The following CACNB2 variants were observed in gnomAD, a reference collection of about 807,000 sequenced individuals.
CACNB2 encodes voltage-dependent L-type calcium channel subunit beta-2.
In CACNB2, 42 loss-of-function variants were observed where a neutral mutation model predicts 73.3. That is an observed-to-expected ratio of 0.57 (90% CI 0.45 to 0.74). The LOEUF is 0.74. Among genes scored for constraint, CACNB2 ranks in the 30% least tolerant of loss-of-function variants. CACNB2 has a pLI of 0.00. For synonymous variants in CACNB2, 348 were observed against 310.3 expected (o/e 1.12, Z -1.28); for missense variants, 940 against 853.0 (o/e 1.10, Z -1.27).
chr10:18,205,170 T>C (rs1457068588), intron 2 of CACNB2, among the ~76,000 whole-genome samples: 2 of 152,226 alleles, frequency 1.3e-5, no homozygotes, highest in Admixed American at 6.5e-5. Flanking sequence ...ATGACAGTTA[T>C]CTGTCCAGTG....
chr10:18,194,642 G>T (rs932899774), intron 2 of CACNB2, among the ~76,000 whole-genome samples: 1 of 152,194 alleles, frequency 6.6e-6, no homozygotes, highest in Non-Finnish European at 1.5e-5. Context: ...ATAGATGGGT[G>T]TGGGGGAGAT....
At chr10:18,525,248 T>C (rs2052358315) in intron 9 of CACNB2, among the ~76,000 whole-genome samples, 1 of 152,054 alleles carries the variant, frequency 6.6e-6, no homozygotes, top group Admixed American at 6.6e-5. Flanking sequence ...TTCACCTTTG[T>C]TTTGGGTTGA....
chr10:18,194,222 C>T (rs1053505542), intron 2 of CACNB2, among the ~76,000 whole-genome samples: 13 of 152,168 alleles, frequency 8.5e-5, no homozygotes, highest in Admixed American at 5.9e-4. Context: ...CTGTCTCCTT[C>T]ACTTTGCTCA....
At chr10:18,524,214 TTTTTTG>T (rs1012805208) in intron 9 of CACNB2, among the ~76,000 whole-genome samples, 3 of 152,112 alleles carry the variant, frequency 2.0e-5, no homozygotes, top group Admixed American at 6.5e-5. Flanking sequence ...ACGGTTTTTT[TTTTTTG>T]TTTTTTTGTT....
chr10:18,498,225 A>C (rs1054640520), intron 3 of CACNB2, 130 bp from the exon 4 acceptor site: 1 of 1,102,766 alleles, frequency 9.1e-7, no homozygotes, highest in East Asian at 2.6e-5. Flanking sequence ...TTTTGTGATA[A>C]AGAACCAGTG....
chr10:18,315,760 C>CA (rs1033660384), intron 2 of CACNB2, among the ~76,000 whole-genome samples: 47 of 151,892 alleles, frequency 3.1e-4, no homozygotes, highest in African/African-American at 1.1e-3. Flanking sequence ...TTCCACTATC[C>CA]AAAAAATAAA....
chr10:18,155,491 G>A (rs1397874538), intron 2 of CACNB2, among the ~76,000 whole-genome samples: 1 of 152,182 alleles, frequency 6.6e-6, no homozygotes, highest in Non-Finnish European at 1.5e-5. Context: ...ATTTCCAGTT[G>A]AGGGAACTGA....
At chr10:18,201,071 CT>C (rs2034857398) in intron 2 of CACNB2, among the ~76,000 whole-genome samples, 1 of 152,120 alleles carries the variant, frequency 6.6e-6, no homozygotes, top group Admixed American at 6.6e-5. Context: ...TTTAATGCCC[CT>C]CTAGGAGAGT....
chr10:18,428,738 T>G (rs934138776), intron 3 of CACNB2, among the ~76,000 whole-genome samples: 2 of 151,806 alleles, frequency 1.3e-5, no homozygotes, highest in Non-Finnish European at 2.9e-5. Flanking sequence ...TTTAATCAGG[T>G]TTTTACCCTT....
intron 2 of CACNB2, among the ~76,000 whole-genome samples, chr10:18,348,093 G>C (rs2041543537): frequency 6.6e-6 from 1 of 152,186 alleles, no homozygotes; most frequent in Admixed American, 6.5e-5. Context: ...CATGTGATAT[G>C]CTGAGTACTA....
At chr10:18,358,082 C>T (rs966827482) in intron 2 of CACNB2, among the ~76,000 whole-genome samples, 2 of 152,122 alleles carry the variant, frequency 1.3e-5, no homozygotes, top group Admixed American at 1.3e-4. Flanking sequence ...ACACATTCAT[C>T]CATTCAATTG....
intron 3 of CACNB2, among the ~76,000 whole-genome samples, chr10:18,437,056 T>C (rs7095057): frequency 0.9 from 137,790 of 152,288 alleles, 62,642 homozygotes; most frequent in African/African-American, 0.98. Context: ...CTGATACATT[T>C]GACTTAAATG....
chr10:18,384,606 T>C (rs570942636), intron 2 of CACNB2, among the ~76,000 whole-genome samples: 113 of 152,154 alleles, frequency 7.4e-4, no homozygotes, highest in African/African-American at 2.7e-3. Flanking sequence ...GGTGCACATT[T>C]GCAATCCCAG....
At chr10:18,383,414 C>T (rs2043097201) in intron 2 of CACNB2, among the ~76,000 whole-genome samples, 1 of 152,152 alleles carries the variant, frequency 6.6e-6, no homozygotes, top group African/African-American at 2.4e-5. Context: ...CCGTAAGAGT[C>T]TACGCAGTAC....
At chr10:18,524,217 T>G (rs977516558) in intron 9 of CACNB2, among the ~76,000 whole-genome samples, 9 of 152,090 alleles carry the variant, frequency 5.9e-5, no homozygotes, top group African/African-American at 9.7e-5. Flanking sequence ...GTTTTTTTTT[T>G]TTGTTTTTTT....
At chr10:18,284,122 A>G (rs912089936) in intron 2 of CACNB2, among the ~76,000 whole-genome samples, 2 of 152,226 alleles carry the variant, frequency 1.3e-5, no homozygotes, top group Non-Finnish European at 2.9e-5. Flanking sequence ...TAACTGACTC[A>G]TAGTTCCACA....
chr10:18,520,785 T>C (rs1345895957), intron 9 of CACNB2, among the ~76,000 whole-genome samples: 1 of 152,254 alleles, frequency 6.6e-6, no homozygotes, highest in African/African-American at 2.4e-5. Flanking sequence ...TTTGGCACTT[T>C]GCAGTTCCTT....
chr10:18,343,187 C>A (rs1055488955), intron 2 of CACNB2, among the ~76,000 whole-genome samples: 1 of 152,252 alleles, frequency 6.6e-6, no homozygotes. Flanking sequence ...TTGTAAATTT[C>A]TTGAACATGG....
chr10:18,152,724 AAAAAAAAACAAAAAAC>A (rs1384340264), intron 2 of CACNB2, among the ~76,000 whole-genome samples: 1,372 of 131,844 alleles, frequency 0.01, 22 homozygotes, highest in African/African-American at 0.042. Context: ...AAAAAAAAAA[AAAAAAAAACAAAAAAC>A]AAAACACTAG....
Sources: gnomAD v4.1 joint callset for allele counts (sites outside exome capture counted in the v4.1 genomes callset) on GRCh38, gnomAD v4.1.1 for gene constraint, MANE v1.5 for transcripts, NCBI Gene and HGNC (gene_info 2026-07-23, HGNC 2026-07-21) for gene names.